SH3PXD2A: variants seen among roughly 807,000 people sequenced by gnomAD.
SH3PXD2A encodes the protein SH3 and PX domain-containing protein 2A.
In SH3PXD2A, 32 loss-of-function variants were observed where a neutral mutation model predicts 115.2. That is an observed-to-expected ratio of 0.28 (90% CI 0.21 to 0.37). The LOEUF (loss-of-function observed/expected upper bound fraction) is 0.37. Among genes scored for constraint, SH3PXD2A ranks in the 10% least tolerant of loss-of-function variants. The pLI is 1.00. For missense variants in SH3PXD2A, 1,328 were observed against 1,498.7 expected (o/e 0.89, Z 1.88); for synonymous variants, 610 against 629.1 (o/e 0.97, Z 0.45).
Position 103,651,644 on chromosome 10 carries a change from C to T in SH3PXD2A, c.604+9339G>A, listed in dbSNP as rs118121338. On this transcript the variant is annotated intron_variant, in intron 8 of 14. Coordinates refer to ENST00000369774, the MANE Select transcript of SH3PXD2A (RefSeq NM_001394015.1). ...GGCTTCAACTTCCTCCTTGGAAAGA[C>T]AGAATGCCAACATCCATCCTGCCTC... Among the ~76,000 whole-genome samples, 19 of 152,366 alleles carry T rather than the reference C, an allele frequency of 1.2e-4. No homozygotes were observed. The East Asian group carries it at 3.7e-3, about 29-fold the overall frequency.
At chr10:103,705,376 G>A (rs1315562657) in intron 5 of SH3PXD2A, among the ~76,000 whole-genome samples, 1 of 152,198 alleles carries the variant, frequency 6.6e-6, no homozygotes, top group Non-Finnish European at 1.5e-5. Context: ...CTTACCCAAA[G>A]GTGGGAGTGG....
At chr10:103,750,599 G>A (rs1259487714) in intron 3 of SH3PXD2A, among the ~76,000 whole-genome samples, 1 of 152,146 alleles carries the variant, frequency 6.6e-6, no homozygotes, top group East Asian at 1.9e-4. Flanking sequence ...ATGTACCTCT[G>A]AGGCTGAGAA....
At chr10:103,697,425 TCTC>T (rs2037837942) in intron 5 of SH3PXD2A, among the ~76,000 whole-genome samples, 1 of 152,148 alleles carries the variant, frequency 6.6e-6, no homozygotes, top group Non-Finnish European at 1.5e-5. Flanking sequence ...AAAAGGAGCT[TCTC>T]CTTAAGGACC....
At position 103,627,372 on chromosome 10, in the gene SH3PXD2A, T is replaced by C. The variant is rs2036714115; in HGVS notation, c.605-170A>G. Among the ~76,000 whole-genome samples the C allele has an allele frequency of 1.3e-5, 2 of 152,192 alleles. No homozygotes were observed. The highest frequency in any genetic ancestry group is 4.8e-5 in the African/African-American group (2 of 41,446). ...CAGCTCCAGCCTCGAGGAGCCTGCG[T>C]CTGTTCTAAGGCAGAAACGACCAGC... On this transcript the variant is annotated intron_variant, in intron 8 of 14. Transcript: ENST00000369774. This position sits in a 1 kb window ranked among gnomAD's most constrained non-coding sequence, Gnocchi z 4.4.
chr10:103,767,901 G>A (rs1213534921), intron 2 of SH3PXD2A, among the ~76,000 whole-genome samples: 1 of 151,290 alleles, frequency 6.6e-6, no homozygotes, highest in Non-Finnish European at 1.5e-5. Flanking sequence ...ATGAGGCCAG[G>A]GCCCCTTTGT....
rs1384395749 is a variant in SH3PXD2A at position 103,837,151 on chromosome 10, C to T, written c.72+18044G>A. ...GCTGTTGTACTTATCAAGTATTCTTCAGCCCTCTATTCTTTTACCTACTCA... is the reference window on the plus strand; with the variant it reads ...GCTGTTGTACTTATCAAGTATTCTTTAGCCCTCTATTCTTTTACCTACTCA... On this transcript the variant is annotated intron_variant, in intron 1 of 14. Coordinates refer to ENST00000369774, the MANE Select transcript of SH3PXD2A (RefSeq NM_001394015.1). 3.3e-5 allele frequency among the ~76,000 whole-genome samples: 5 copies of T among 152,328 alleles called. No individual in the cohort carries two copies. The East Asian group carries it at 7.7e-4, about 23-fold the overall frequency.
intron 8 of SH3PXD2A, among the ~76,000 whole-genome samples, chr10:103,654,473 G>A (rs2134031939): frequency 6.6e-6 from 1 of 152,322 alleles, no homozygotes; most frequent in African/African-American, 2.4e-5. Context: ...GGGTCGATCT[G>A]TGGCAGAGCT....
chr10:103,795,016 C>T (rs1435174137), intron 2 of SH3PXD2A, among the ~76,000 whole-genome samples: 1 of 152,090 alleles, frequency 6.6e-6, no homozygotes, highest in Non-Finnish European at 1.5e-5. Flanking sequence ...GTAGGGTGGC[C>T]AGAAAGCCAG....
At chr10:103,772,875 G>C (rs969864613) in intron 2 of SH3PXD2A, among the ~76,000 whole-genome samples, 3 of 152,184 alleles carry the variant, frequency 2.0e-5, no homozygotes, top group African/African-American at 4.8e-5. Flanking sequence ...AAGAAAAAAG[G>C]GTGCATTACT....
At chr10:103,744,176 A>C (rs2038474947) in intron 3 of SH3PXD2A, among the ~76,000 whole-genome samples, 1 of 147,032 alleles carries the variant, frequency 6.8e-6, no homozygotes, top group African/African-American at 2.5e-5. Flanking sequence ...TTTTTGCGAC[A>C]GAGTTTCGCT....
chr10:103,797,007 C>A (rs780245292), intron 2 of SH3PXD2A, among the ~76,000 whole-genome samples: 2 of 151,870 alleles, frequency 1.3e-5, no homozygotes, highest in African/African-American at 4.8e-5. Context: ...GAACTACAGG[C>A]ACATGCCACC....
At chr10:103,793,411 C>T (rs1161268326) in intron 2 of SH3PXD2A, among the ~76,000 whole-genome samples, 1 of 152,074 alleles carries the variant, frequency 6.6e-6, no homozygotes, top group Non-Finnish European at 1.5e-5. Context: ...TCTTGGAGAT[C>T]CACCCATGGA....
At chr10:103,846,551 C>G (rs980941008) in intron 1 of SH3PXD2A, among the ~76,000 whole-genome samples, 3 of 152,192 alleles carry the variant, frequency 2.0e-5, no homozygotes, top group African/African-American at 7.2e-5. Context: ...TAATTAAGAA[C>G]CCAGACTGGG....
chr10:103,739,495 G>T (rs139953073), intron 3 of SH3PXD2A, among the ~76,000 whole-genome samples: 1 of 152,070 alleles, frequency 6.6e-6, no homozygotes, highest in Non-Finnish European at 1.5e-5. Context: ...GGGATTCTCC[G>T]GTCTTGACTT....
At chr10:103,819,081 T>C (rs371031456) in intron 1 of SH3PXD2A, among the ~76,000 whole-genome samples, 1 of 152,242 alleles carries the variant, frequency 6.6e-6, no homozygotes, top group Non-Finnish European at 1.5e-5. Flanking sequence ...GTTACTTGTC[T>C]GATAAAATTC....
chr10:103,714,671 C>T lies in SH3PXD2A; in HGVS notation c.398+9599G>A, dbSNP rs114345423. ...GGATGGACAAGGTTTATTTATCTAACGTTCTGTTCCCTCCCTCAGCCTCCC... is the reference window on the plus strand; with the variant it reads ...GGATGGACAAGGTTTATTTATCTAATGTTCTGTTCCCTCCCTCAGCCTCCC... On this transcript the variant is annotated intron_variant, in intron 5 of 14. Coordinates refer to ENST00000369774, the MANE Select transcript of SH3PXD2A (RefSeq NM_001394015.1). Among the ~76,000 whole-genome samples, 685 of 152,320 alleles carry T rather than the reference C, an allele frequency of 4.5e-3. 9 individuals are homozygous for T. The highest frequency in any genetic ancestry group is 0.016 in the African/African-American group (653 of 41,570).
intron 2 of SH3PXD2A, 125 bp downstream of exon 2, chr10:103,801,157 C>T (rs1392060479): frequency 1.5e-6 from 1 of 647,932 alleles, no homozygotes; most frequent in Non-Finnish European, 2.8e-6. Flanking sequence ...CTCCTCTGTC[C>T]CTCTGCTCCC....
At chr10:103,718,049 C>T (rs1392709158) in intron 5 of SH3PXD2A, among the ~76,000 whole-genome samples, 11 of 151,712 alleles carry the variant, frequency 7.3e-5, no homozygotes, top group Admixed American at 5.9e-4. Flanking sequence ...CTCTGTTGCC[C>T]AGGCTGGAGT....
chr10:103,706,228 C>A (rs2037979242), intron 5 of SH3PXD2A, among the ~76,000 whole-genome samples: 2 of 152,172 alleles, frequency 1.3e-5, no homozygotes, highest in Admixed American at 1.3e-4. Flanking sequence ...TCTAGAGCAC[C>A]TGCAGCTGTC....
Sources: gnomAD v4.1 joint callset for allele counts (sites outside exome capture counted in the v4.1 genomes callset) on GRCh38, gnomAD v4.1.1 for gene constraint, Gnocchi (gnomAD v3.1) non-coding constraint, MANE v1.5 for transcripts, NCBI Gene and HGNC (gene_info 2026-07-23, HGNC 2026-07-21) for gene names.